Variants in CHST10 observed in about 807,000 individuals in gnomAD.
CHST10 encodes the protein carbohydrate sulfotransferase 10.
CHST10 carries 24 observed loss-of-function variants against 34.7 expected under a neutral mutation model. The observed-to-expected ratio is 0.69, with a 90% CI of 0.50 to 0.97. The LOEUF is 0.97. Ranked by LOEUF, CHST10 falls within the 50% of genes least tolerant of loss-of-function variation. The pLI is 0.00. For missense variants in CHST10, 402 were observed against 452.1 expected (o/e 0.89, Z 1.00); for synonymous variants, 161 against 169.3 (o/e 0.95, Z 0.38).
At position 100,392,870 on chromosome 2, in the gene CHST10, GCCAGGAGA is replaced by G; in HGVS notation, c.*367_*374del. On this transcript the variant is annotated 3_prime_UTR_variant, in exon 7 of 7. Coordinates refer to ENST00000264249, the MANE Select transcript of CHST10 (RefSeq NM_004854.5). ...GTGATGGGTGAAGCCACCCTGACTA[GCCAGGAGA>G]ACCTCAGGGGCATCCCCTTCCTTAA... 1 of 229,948 alleles carries G rather than the reference GCCAGGAGA, an allele frequency of 4.3e-6. No homozygotes were observed. The highest frequency in any genetic ancestry group is 8.6e-6 in the Non-Finnish European group (1 of 116,370). The allele number at this position is 229,948 out of a possible 1,614,324, so 14.2% of individuals were successfully genotyped here. A position where few individuals can be genotyped will look rare whatever the true frequency, so the allele number is the denominator to read the frequency against.
At chr2:100,405,411 T>C (rs1675525523) in intron 3 of CHST10, among the ~76,000 whole-genome samples, 1 of 152,112 alleles carries the variant, frequency 6.6e-6, no homozygotes, top group African/African-American at 2.4e-5. Context: ...AATTTCAGGG[T>C]GTCCCTCTTT....
chr2:100,397,744 C>G (rs1051403945), intron 5 of CHST10, among the ~76,000 whole-genome samples, 164 bp downstream of exon 5: 5 of 152,150 alleles, frequency 3.3e-5, no homozygotes, highest in African/African-American at 1.2e-4. Context: ...ACTTGTAAGG[C>G]ACAACACTAA....
At chr2:100,417,005 CCTT>C in intron 1 of CHST10, 1 of 1,304,330 alleles carries the variant, frequency 7.7e-7, no homozygotes, top group Non-Finnish European at 1.0e-6. Flanking sequence ...TGCACATGCT[CCTT>C]CTTCCCTGCC....
At chr2:100,401,310 C>T (rs186443898) in intron 4 of CHST10, among the ~76,000 whole-genome samples, 10 of 152,140 alleles carry the variant, frequency 6.6e-5, no homozygotes, top group Admixed American at 2.6e-4. Context: ...GAGGGCGGCT[C>T]GGAAGACCAA....
chr2:100,398,023 A>C lies in CHST10; in HGVS notation c.312T>G (p.Pro104=), dbSNP rs777593844. The change falls in exon 5 of 7, where the codon CCT becomes CCG. Residue 104 remains proline, a synonymous_variant. Transcript: ENST00000264249. ...TTCGGTCCAGGACAAACTTGGAGAC[A>C]GGAGTGTGCGAGAGATTCTTCAGGG... ...DDALKNLSHT[P]VSKFVLDRIF... is the part of the protein sequence containing the mutation. 1.9e-6 allele frequency: 3 copies of C among 1,614,106 alleles called. No individual in the cohort carries two copies. The highest frequency in any genetic ancestry group is 3.3e-5 in the Admixed American group (2 of 60,012).
intron 2 of CHST10, among the ~76,000 whole-genome samples, chr2:100,407,383 T>C (rs1297015014): frequency 1.3e-5 from 2 of 152,118 alleles, no homozygotes; most frequent in African/African-American, 2.4e-5. Context: ...AGGAGGCACA[T>C]AAAGAACTGG....
intron 3 of CHST10, among the ~76,000 whole-genome samples, chr2:100,403,170 CA>C (rs1261294743): frequency 6.6e-6 from 1 of 152,156 alleles, no homozygotes; most frequent in East Asian, 1.9e-4. Context: ...CCGCAGATGG[CA>C]AATAAGTACA....
chr2:100,413,272 G>A (rs1675922862), intron 2 of CHST10, among the ~76,000 whole-genome samples: 1 of 152,156 alleles, frequency 6.6e-6, no homozygotes, highest in Admixed American at 6.5e-5. Flanking sequence ...GGTGGGAGCA[G>A]AACCTGAGCC....
chr2:100,408,354 G>C (rs898215617), intron 2 of CHST10: 4 of 152,066 alleles, frequency 2.6e-5, no homozygotes, highest in African/African-American at 9.7e-5. Flanking sequence ...GTCAGAGATA[G>C]TGAGGCACAA....
intron 1 of CHST10, chr2:100,415,943 G>A (rs1427768217): frequency 6.6e-6 from 1 of 152,174 alleles, no homozygotes; most frequent in Non-Finnish European, 1.5e-5. Context: ...TTGTACTGCT[G>A]TTACTGTACT....
Position 100,395,502 on chromosome 2 carries a change from T to C in CHST10, c.533+7A>G, listed in dbSNP as rs1558633575. 6.2e-7 allele frequency: 1 copy of C among 1,612,684 alleles called. No homozygotes were observed. The highest frequency in any genetic ancestry group is 1.3e-5 in the African/African-American group (1 of 75,022). On this transcript the variant is annotated splice_region_variant and intron_variant, in intron 6 of 6. Coordinates refer to ENST00000264249, the MANE Select transcript of CHST10 (RefSeq NM_004854.5). The stretch of plus-strand genomic sequence containing the variant: ...TCCCCCCTCCCCTTTGAGGAAGCTG[T>C]TCTCACCGCTTCTGAATTTCTGCAT...
rs538738901 is a variant in CHST10 at position 100,392,252 on chromosome 2, C to T, written c.*993G>A. On this transcript the variant is annotated 3_prime_UTR_variant, in exon 7 of 7. Transcript: ENST00000264249. ...CCCATTTTGCTGAGATGAAAGGAAT[C>T]GAAATGTATAAACTACACTGAATTC... 4.6e-5 allele frequency: 7 copies of T among 152,778 alleles called. No individual in the cohort carries two copies. The East Asian group carries it at 7.7e-4, about 17-fold the overall frequency. 9.5% of individuals were successfully genotyped at this position (152,778 alleles called of 1,614,324 possible). A position where few individuals can be genotyped will look rare whatever the true frequency, so the allele number is the denominator to read the frequency against.
intron 2 of CHST10, among the ~76,000 whole-genome samples, chr2:100,411,045 G>A (rs1393759762): frequency 6.6e-6 from 1 of 151,480 alleles, no homozygotes; most frequent in Admixed American, 6.6e-5. Flanking sequence ...ATAAAATCAT[G>A]AGAGGACAGT....
chr2:100,400,343 G>C (rs1032516604), intron 4 of CHST10, among the ~76,000 whole-genome samples: 2 of 152,126 alleles, frequency 1.3e-5, no homozygotes, highest in African/African-American at 4.8e-5. Context: ...GGGCTCAAGT[G>C]ATTCTCCCAC....
intron 2 of CHST10, among the ~76,000 whole-genome samples, chr2:100,413,176 G>A (rs960063194): frequency 1.8e-4 from 27 of 152,262 alleles, no homozygotes; most frequent in African/African-American, 6.0e-4. Context: ...GGGACAAATG[G>A]CCTTTAAAAA....
intron 2 of CHST10, chr2:100,408,020 T>C (rs946651604): frequency 1.3e-5 from 2 of 152,130 alleles, no homozygotes; most frequent in Non-Finnish European, 2.9e-5. Context: ...CCAAAACCAG[T>C]ATTTTTTGTG....
At chr2:100,394,872 T>C (rs1258195230) in intron 6 of CHST10, among the ~76,000 whole-genome samples, 1 of 150,438 alleles carries the variant, frequency 6.6e-6, no homozygotes, top group Non-Finnish European at 1.5e-5. Flanking sequence ...TACACGTGTG[T>C]GCCACCACAG....
intron 2 of CHST10, 107 bp downstream of exon 2, chr2:100,414,934 A>G (rs1676004828): frequency 1.5e-6 from 1 of 646,936 alleles, no homozygotes; most frequent in South Asian, 1.8e-5. Flanking sequence ...ACACATTTAC[A>G]TACTCCTAAT....
intron 4 of CHST10, among the ~76,000 whole-genome samples, chr2:100,401,001 A>G (rs1489698272): frequency 2.6e-5 from 4 of 152,234 alleles, no homozygotes; most frequent in Non-Finnish European, 5.9e-5. Flanking sequence ...TTTAAAGGTG[A>G]GCTACAGAAT....
Sources: gnomAD v4.1 joint callset for allele counts (sites outside exome capture counted in the v4.1 genomes callset) on GRCh38, gnomAD v4.1.1 for gene constraint, MANE v1.5 for transcripts, NCBI Gene and HGNC (gene_info 2026-07-23, HGNC 2026-07-21) for gene names.